The following CFI variants were observed in gnomAD, a reference collection of about 807,000 sequenced individuals.
CFI encodes the protein C3B/C4B inactivator.
Under a neutral mutation model 78.8 loss-of-function variants are expected in CFI, and 66 were observed. The observed-to-expected ratio is 0.84, with a 90% CI of 0.69 to 1.03. The LOEUF is 1.03. CFI is among the 50% of genes least tolerant of loss of function. The probability of loss-of-function intolerance (pLI) is 0.00; values close to 1 mark genes in which losing one functional copy is unlikely to be tolerated. For missense variants in CFI, 706 were observed against 704.5 expected, an observed-to-expected ratio of 1.00 and a Z score of -0.02; for synonymous variants, 250 against 232.6, an observed-to-expected ratio of 1.07 and a Z score of -0.68.
chr4:109,795,311 G>A (rs11932539), intron 1 of CFI, among the ~76,000 whole-genome samples: 27,281 of 152,036 alleles, frequency 0.18, 4,658 homozygotes, highest in African/African-American at 0.43. Flanking sequence ...GCAACAAGCC[G>A]TTCACACGGG....
chr4:109,752,018 G>A (rs773250547), intron 8 of CFI, among the ~76,000 whole-genome samples: 4 of 152,072 alleles, frequency 2.6e-5, no homozygotes, highest in South Asian at 2.1e-4. Context: ...GGCTTTTAGC[G>A]CACAACTGGC....
At chr4:109,773,541 G>A (rs770274785) in intron 1 of CFI, among the ~76,000 whole-genome samples, 1 of 152,122 alleles carries the variant, frequency 6.6e-6, no homozygotes, top group Non-Finnish European at 1.5e-5. Flanking sequence ...AAATTGTTGT[G>A]TTTTAGCCAC....
At chr4:109,798,150 A>T (rs1337447882) in intron 1 of CFI, among the ~76,000 whole-genome samples, 1 of 152,186 alleles carries the variant, frequency 6.6e-6, no homozygotes, top group Admixed American at 6.5e-5. Context: ...ATGGAACCAG[A>T]GAGTGGGATG....
At chr4:109,782,236 T>C (rs1189103044) in intron 1 of CFI, among the ~76,000 whole-genome samples, 1 of 152,158 alleles carries the variant, frequency 6.6e-6, no homozygotes, top group East Asian at 1.9e-4. Context: ...AGTCAAATGG[T>C]CACTTTTTGC....
intron 1 of CFI, among the ~76,000 whole-genome samples, chr4:109,796,041 G>T (rs1009891623): frequency 2.0e-5 from 3 of 152,172 alleles, no homozygotes; most frequent in Admixed American, 2.0e-4. Flanking sequence ...AAAAGGTCTA[G>T]ACTGAGACAC....
At chr4:109,734,053 T>C in the CFI span, among the ~76,000 whole-genome samples, 1 of 152,116 alleles carries the variant, frequency 6.6e-6, no homozygotes, top group African/African-American at 2.4e-5. Context: ...ATGCCTGTAG[T>C]CCCAGCTACT....
chr4:109,768,510 T>C (rs988955715), intron 1 of CFI, among the ~76,000 whole-genome samples: 3 of 152,244 alleles, frequency 2.0e-5, no homozygotes, highest in South Asian at 2.1e-4. Context: ...ATGTTTGTAA[T>C]GGTTGACAGG....
intron 1 of CFI, among the ~76,000 whole-genome samples, chr4:109,771,811 C>T (rs367602485): frequency 5.4e-5 from 8 of 149,416 alleles, no homozygotes; most frequent in Non-Finnish European, 1.0e-4. Context: ...TAAAGGGCCA[C>T]GGAGTAAAGA....
chr4:109,736,419 A>G (rs1368934589), downstream of CFI, among the ~76,000 whole-genome samples: 1 of 152,156 alleles, frequency 6.6e-6, no homozygotes, highest in Non-Finnish European at 1.5e-5. Context: ...CTAAAAGGGA[A>G]CTTAAGTTAA....
At chr4:109,752,043 TC>T (rs1339140278) in intron 8 of CFI, among the ~76,000 whole-genome samples, 1 of 152,208 alleles carries the variant, frequency 6.6e-6, no homozygotes, top group African/African-American at 2.4e-5. Context: ...GTACAGATCT[TC>T]AAAGGTCTCC....
chr4:109,743,157 C>T (rs1724009568), intron 11 of CFI, among the ~76,000 whole-genome samples: 1 of 152,114 alleles, frequency 6.6e-6, no homozygotes, highest in South Asian at 2.1e-4. Context: ...CTCAGCCTCC[C>T]AAAGTGCTGG....
intron 2 of CFI, among the ~76,000 whole-genome samples, chr4:109,765,160 C>G (rs534143983): frequency 6.6e-6 from 1 of 152,366 alleles, no homozygotes; most frequent in South Asian, 2.1e-4. Flanking sequence ...ATAACCTCCA[C>G]TATTGCCTTC....
At chr4:109,735,338 A>G in the CFI span, among the ~76,000 whole-genome samples, 2 of 152,198 alleles carry the variant, frequency 1.3e-5, no homozygotes, top group African/African-American at 4.8e-5. Flanking sequence ...AGAAACACCA[A>G]ATGGTTTCTT....
chr4:109,762,502 G>C (rs1727215583), intron 3 of CFI: 1 of 152,100 alleles, frequency 6.6e-6, no homozygotes, highest in African/African-American at 2.4e-5. Flanking sequence ...TATTCTTCTA[G>C]GACATTCAAT....
At chr4:109,790,656 A>G (rs1004088841) in intron 1 of CFI, among the ~76,000 whole-genome samples, 1 of 152,028 alleles carries the variant, frequency 6.6e-6, no homozygotes, top group African/African-American at 2.4e-5. Flanking sequence ...TGTTCTCATA[A>G]TTTAGCTTCC....
chr4:109,747,377 G>A (rs997451510), intron 10 of CFI, among the ~76,000 whole-genome samples: 1 of 151,940 alleles, frequency 6.6e-6, no homozygotes, highest in Non-Finnish European at 1.5e-5. Context: ...TTGTAGAAAT[G>A]GGGTCTTGCT....
At chr4:109,751,541 A>C (rs556636517) in intron 8 of CFI, among the ~76,000 whole-genome samples, 1 of 147,192 alleles carries the variant, frequency 6.8e-6, no homozygotes, top group East Asian at 2.0e-4. Context: ...TCCCGGGTTC[A>C]AGCGATTCTC....
intron 7 of CFI, among the ~76,000 whole-genome samples, chr4:109,756,921 G>GCT (rs1726297456): frequency 1.5e-5 from 2 of 133,982 alleles, no homozygotes; most frequent in African/African-American, 5.6e-5. Context: ...AAGAAAGAAA[G>GCT]AAAGAAAGAA....
chr4:109,776,520 A>C (rs1729266216), intron 1 of CFI, among the ~76,000 whole-genome samples: 1 of 152,240 alleles, frequency 6.6e-6, no homozygotes, highest in Admixed American at 6.5e-5. Context: ...AGTGACGAGG[A>C]GAATGGAACC....
Sources: allele counts gnomAD v4.1 joint callset (sites outside exome capture counted in the v4.1 genomes callset), GRCh38; gene constraint gnomAD v4.1.1; transcripts MANE v1.5; gene names NCBI Gene and HGNC (gene_info 2026-07-23, HGNC 2026-07-21).